The following PTPRT variants were observed in gnomAD, a reference collection of about 807,000 sequenced individuals.
The protein encoded by PTPRT is receptor-type tyrosine-protein phosphatase T.
In PTPRT, 56 loss-of-function variants were observed where a neutral mutation model predicts 176.8. The ratio of observed to expected loss-of-function variants is 0.32; its 90% CI spans 0.26 to 0.40. PTPRT has a LOEUF of 0.40. Among genes scored for constraint, PTPRT ranks in the 10% least tolerant of loss-of-function variants. The probability of loss-of-function intolerance (pLI) is 1.00; values close to 1 mark genes in which losing one functional copy is unlikely to be tolerated. For missense variants in PTPRT, 1,540 were observed against 1,908.2 expected (o/e 0.81, Z 3.60); for synonymous variants, 783 against 739.0 (o/e 1.06, Z -0.96).
chr20:42,419,722 G>T lies in PTPRT; in HGVS notation c.1560+28498C>A, dbSNP rs527915358. 1.3e-4 allele frequency among the ~76,000 whole-genome samples: 20 copies of T among 152,222 alleles called. No individual in the cohort carries two copies. In the South Asian group the frequency reaches 4.1e-3, roughly 32 times the overall value. On this transcript the variant is annotated intron_variant, in intron 9 of 30. Coordinates refer to ENST00000373187, the MANE Select transcript of PTPRT (RefSeq NM_007050.6). ...TCCTATAATTTCTGTCCTGACAGTA[G>T]AGGATCACCTGAAGACCTTCTGTAC...
At chr20:42,509,736 ATC>A (rs2071920140) in intron 7 of PTPRT, among the ~76,000 whole-genome samples, 1 of 151,998 alleles carries the variant, frequency 6.6e-6, no homozygotes, top group Admixed American at 6.6e-5. Flanking sequence ...ACCTTAGTTC[ATC>A]TCTCTGTAAA....
chr20:42,232,945 C>A (rs2056166109), intron 15 of PTPRT, among the ~76,000 whole-genome samples: 1 of 152,106 alleles, frequency 6.6e-6, no homozygotes, highest in Non-Finnish European at 1.5e-5. Context: ...CCAGGCTGTG[C>A]CCAAACCCAC....
chr20:42,264,649 G>C (rs1163281646), intron 13 of PTPRT, among the ~76,000 whole-genome samples: 1 of 152,226 alleles, frequency 6.6e-6, no homozygotes, highest in African/African-American at 2.4e-5. Flanking sequence ...GGAACTAGAG[G>C]ATGCCCAGGT....
chr20:42,891,827 C>T (rs897471165), intron 1 of PTPRT, among the ~76,000 whole-genome samples: 13 of 152,146 alleles, frequency 8.5e-5, no homozygotes, highest in African/African-American at 2.2e-4. Flanking sequence ...TATATATTAA[C>T]GTAGATGTAG....
At chr20:42,826,198 A>G (rs2077989909) in intron 2 of PTPRT, among the ~76,000 whole-genome samples, 1 of 152,122 alleles carries the variant, frequency 6.6e-6, no homozygotes, top group South Asian at 2.1e-4. Flanking sequence ...TGAAGACAGC[A>G]TCCCCCAATT....
chr20:42,678,461 T>A (rs1387177775), intron 6 of PTPRT, among the ~76,000 whole-genome samples: 1 of 151,986 alleles, frequency 6.6e-6, no homozygotes, highest in Non-Finnish European at 1.5e-5. Context: ...CCACCACGGC[T>A]GGTTAATTTT....
chr20:42,159,419 T>A (rs1989493845), intron 17 of PTPRT, among the ~76,000 whole-genome samples: 1 of 151,976 alleles, frequency 6.6e-6, no homozygotes, highest in South Asian at 2.1e-4. Context: ...AAATATTTTC[T>A]TTTTTTAATT....
chr20:42,300,257 CAAAAAAAAAAAA>C (rs761176814), intron 12 of PTPRT, among the ~76,000 whole-genome samples: 1 of 49,618 alleles, frequency 2.0e-5, no homozygotes, highest in Non-Finnish European at 3.8e-5. Context: ...AACTCCGTCT[CAAAAAAAAAAAA>C]AAAAAAAAAA....
At chr20:42,311,678 C>T (rs1236698082) in intron 12 of PTPRT, among the ~76,000 whole-genome samples, 1 of 151,866 alleles carries the variant, frequency 6.6e-6, no homozygotes, top group African/African-American at 2.4e-5. Context: ...TGGAGCAAAA[C>T]AACACTTTTT....
chr20:42,055,173 G>T, the PTPRT span, among the ~76,000 whole-genome samples: 2 of 152,316 alleles, frequency 1.3e-5, no homozygotes, highest in African/African-American at 4.8e-5. Flanking sequence ...CGGTACAGGT[G>T]AGCCTCCAGC....
intron 1 of PTPRT, among the ~76,000 whole-genome samples, chr20:42,919,218 G>A (rs533274303): frequency 2.0e-5 from 3 of 152,182 alleles, no homozygotes; most frequent in Non-Finnish European, 4.4e-5. Flanking sequence ...CGGGCAGCTG[G>A]GAATTTTAAT....
intron 1 of PTPRT, among the ~76,000 whole-genome samples, chr20:43,076,814 T>G (rs998508515): frequency 3.9e-5 from 6 of 152,252 alleles, no homozygotes; most frequent in South Asian, 4.2e-4. Flanking sequence ...GGGTCTCTAT[T>G]AAAGCATTTC....
intron 18 of PTPRT, among the ~76,000 whole-genome samples, chr20:42,141,182 T>G (rs1988606728): frequency 6.6e-6 from 1 of 152,186 alleles, no homozygotes; most frequent in Non-Finnish European, 1.5e-5. Context: ...GGTGCACTGA[T>G]GCAGACCTGA....
chr20:42,620,075 T>C (rs1355669284), intron 7 of PTPRT, among the ~76,000 whole-genome samples: 1 of 148,708 alleles, frequency 6.7e-6, no homozygotes. Context: ...TGTGGTTTTA[T>C]CTACTTTTGG....
chr20:42,488,763 G>A (rs185628293), intron 7 of PTPRT, among the ~76,000 whole-genome samples: 15 of 152,116 alleles, frequency 9.9e-5, no homozygotes, highest in Non-Finnish European at 1.3e-4. Context: ...TCAGGAATTC[G>A]AGACCAGCCT....
At chr20:42,660,361 C>T (rs1320341238) in intron 7 of PTPRT, among the ~76,000 whole-genome samples, 1 of 152,144 alleles carries the variant, frequency 6.6e-6, no homozygotes, top group African/African-American at 2.4e-5. Flanking sequence ...TCTCCCTCCC[C>T]AGTCCATCAC....
At chr20:42,607,227 G>A (rs1002653921) in intron 7 of PTPRT, among the ~76,000 whole-genome samples, 1 of 152,142 alleles carries the variant, frequency 6.6e-6, no homozygotes, top group Non-Finnish European at 1.5e-5. Context: ...TGGACACAGA[G>A]TCTCCATTTT....
chr20:42,969,338 T>A (rs1337425532), intron 1 of PTPRT: 1 of 152,178 alleles, frequency 6.6e-6, no homozygotes, highest in East Asian at 1.9e-4. Context: ...ACCTGGGTTC[T>A]AAGAGCAGCC....
chr20:42,750,007 T>C (rs558995617), intron 6 of PTPRT, among the ~76,000 whole-genome samples: 4 of 152,166 alleles, frequency 2.6e-5, no homozygotes, highest in African/African-American at 9.6e-5. Context: ...AAGAAACTTG[T>C]AAATGCTGAA....
Sources: allele counts gnomAD v4.1 joint callset (sites outside exome capture counted in the v4.1 genomes callset), GRCh38; gene constraint gnomAD v4.1.1; transcripts MANE v1.5; gene names NCBI Gene and HGNC (gene_info 2026-07-23, HGNC 2026-07-21).